Variants in NME9 observed in about 807,000 individuals in gnomAD.
NME9 encodes the protein thioredoxin domain-containing protein 6.
Under a neutral mutation model 44.4 loss-of-function variants are expected in NME9, and 48 were observed. The observed-to-expected ratio is 1.08, with a 90% CI of 0.86 to 1.37. NME9 has a LOEUF of 1.37. Ranked by LOEUF, NME9 falls within the 40% of genes most tolerant of loss-of-function variation. The probability of loss-of-function intolerance (pLI) is 0.00; values close to 1 mark genes in which losing one functional copy is unlikely to be tolerated. For missense variants in NME9, 325 were observed against 405.2 expected (o/e 0.80, Z 1.70); for synonymous variants, 139 against 147.1 (o/e 0.94, Z 0.40).
chr3:138,261,602 G>A (rs957530964), exon 9 of NME9: 18 of 152,170 alleles, frequency 1.2e-4, no homozygotes, highest in African/African-American at 4.1e-4. Context: ...GATGGACAGA[G>A]CCTTTATTGT....
At chr3:138,326,478 G>C (rs992112867) in intron 1 of NME9, among the ~76,000 whole-genome samples, 2 of 152,108 alleles carry the variant, frequency 1.3e-5, no homozygotes, top group Admixed American at 1.3e-4. Context: ...CTGTCACCCA[G>C]TCTGGAGTGC....
chr3:138,287,946 C>T (rs1249555944), intron 8 of NME9: 1 of 202,520 alleles, frequency 4.9e-6, no homozygotes, highest in Non-Finnish European at 1.0e-5. Flanking sequence ...ACACCCTATC[C>T]AAAGCAACCA....
intron 2 of NME9, among the ~76,000 whole-genome samples, chr3:138,322,989 C>T (rs1314979846): frequency 2.0e-5 from 3 of 152,212 alleles, no homozygotes; most frequent in African/African-American, 7.2e-5. Context: ...TAAGCCTTGG[C>T]ACCATCAAAA....
chr3:138,269,683 A>G (rs893570482), intron 8 of NME9, among the ~76,000 whole-genome samples: 1 of 152,216 alleles, frequency 6.6e-6, no homozygotes, highest in Non-Finnish European at 1.5e-5. Context: ...AGTCTCAGCG[A>G]AAGATGAGAG....
intron 6 of NME9, 42 bp from the exon 7 acceptor site, chr3:138,306,522 C>T (rs751987086): frequency 5.6e-6 from 7 of 1,245,236 alleles, no homozygotes; most frequent in South Asian, 1.3e-5. Flanking sequence ...ATGTTTGAGG[C>T]TCCTGAGAGG....
exon 9 of NME9, chr3:138,261,583 A>G (rs1225517535): frequency 6.6e-6 from 1 of 152,196 alleles, no homozygotes; most frequent in African/African-American, 2.4e-5. Flanking sequence ...GTTATATATA[A>G]GAGATGGAGA....
intron 1 of NME9, among the ~76,000 whole-genome samples, chr3:138,328,987 T>C (rs1023141347): frequency 1.3e-5 from 2 of 152,234 alleles, no homozygotes; most frequent in African/African-American, 4.8e-5. Context: ...TCGAGTTATG[T>C]TGATTCGTAT....
chr3:138,281,288 A>C (rs1396129668), intron 8 of NME9, among the ~76,000 whole-genome samples: 1 of 148,754 alleles, frequency 6.7e-6, no homozygotes, highest in Non-Finnish European at 1.5e-5. Flanking sequence ...CCAATAATTG[A>C]TTTCTTTTTC....
At chr3:138,328,504 TCTA>T (rs1475127200) in intron 1 of NME9, among the ~76,000 whole-genome samples, 2 of 152,048 alleles carry the variant, frequency 1.3e-5, no homozygotes, top group African/African-American at 4.8e-5. Flanking sequence ...CCACTAATGC[TCTA>T]TTATCTAGGA....
chr3:138,299,365 C>G (rs2051723692), downstream of NME9, among the ~76,000 whole-genome samples: 1 of 152,184 alleles, frequency 6.6e-6, no homozygotes, highest in Non-Finnish European at 1.5e-5. Flanking sequence ...TCCTTGACTT[C>G]ATGGAGCCCA....
At position 138,306,461 on chromosome 3, in the gene NME9, A is replaced by G. The variant is rs371271598; in HGVS notation, c.480T>C (p.Cys160=). ...CATCTGGTTTAATGATGGCCAAGGT[A>G]CAGGTCCTCTCTGATGAAACTAAGC... ...DEDMVSSERT[C]TLAIIKPDAV... The change falls in exon 7 of 11, where the codon TGT becomes TGC. Residue 160 remains cysteine (C), a synonymous_variant. Transcript: ENST00000333911. The G allele has an allele frequency of 1.2e-5, 20 of 1,611,920 alleles. No homozygotes were observed. Among genetic ancestry groups the G allele is most frequent in the African/African-American group, 2.7e-5 (2 of 74,854 alleles).
intron 8 of NME9, chr3:138,267,187 G>T: frequency 1.3e-6 from 2 of 1,580,268 alleles, no homozygotes; most frequent in East Asian, 4.5e-5. Context: ...AAATCCTAGT[G>T]GTAGCATCTT....
rs776320900 is a variant in NME9, at chr3:138,271,798, C to CTTTTTTTTTTTTTTTTT, written c.746-9213_746-9212insAAAAAAAAAAAAAAAAA. ...AGTTCACAAGATTTTTTTTTTCTTT[C>CTTTTTTTTTTTTTTTTT]TTTTTTTTTTTTTTTGATACAGAGT... On this transcript the variant is annotated intron_variant, in intron 8 of 8. Transcript: ENST00000317876. Among the ~76,000 whole-genome samples the CTTTTTTTTTTTTTTTTT allele has an allele frequency of 3.1e-4, 42 of 136,126 alleles. 1 individual carries two copies. Among genetic ancestry groups the CTTTTTTTTTTTTTTTTT allele is most frequent in the African/African-American group, 1.2e-3 (42 of 35,282 alleles). The allele number at this position is 136,126 out of a possible 152,430, so 89.3% of individuals were successfully genotyped here.
intron 8 of NME9, among the ~76,000 whole-genome samples, chr3:138,278,738 G>T (rs970417598): frequency 2.0e-5 from 3 of 152,074 alleles, no homozygotes. Context: ...TCTTATAGCA[G>T]TGTTTTGTAG....
chr3:138,271,763 T>TTATGTCTC (rs2048810053), intron 8 of NME9, among the ~76,000 whole-genome samples: 1 of 151,832 alleles, frequency 6.6e-6, no homozygotes, highest in Non-Finnish European at 1.5e-5. Context: ...CAACCACATA[T>TTATGTCTC]TATGTCTCTA....
chr3:138,290,672 G>A, intron 8 of NME9: 1 of 1,455,756 alleles, frequency 6.9e-7, no homozygotes. Context: ...CTTGCTTTGG[G>A]CTGTGTTGGA....
At chr3:138,295,714 A>C in intron 8 of NME9, 2 of 715,688 alleles carry the variant, frequency 2.8e-6, no homozygotes, top group South Asian at 3.8e-5. Flanking sequence ...TCTTCCCCTT[A>C]AGGTAGGTGC....
chr3:138,263,331 G>A (rs537060660), intron 8 of NME9, among the ~76,000 whole-genome samples: 1 of 152,228 alleles, frequency 6.6e-6, no homozygotes, highest in Admixed American at 6.5e-5. Flanking sequence ...CCTAAGCCCA[G>A]ATTTCATTTT....
chr3:138,271,762 A>G (rs529359903), intron 8 of NME9, among the ~76,000 whole-genome samples: 2 of 146,210 alleles, frequency 1.4e-5, no homozygotes, highest in South Asian at 4.4e-4. Flanking sequence ...ACAACCACAT[A>G]TTATGTCTCT....
Sources: allele counts gnomAD v4.1 joint callset (sites outside exome capture counted in the v4.1 genomes callset), GRCh38; gene constraint gnomAD v4.1.1; transcripts MANE v1.5; gene names NCBI Gene and HGNC (gene_info 2026-07-23, HGNC 2026-07-21).